The following KYAT3 variants were observed in gnomAD, a reference collection of about 807,000 sequenced individuals.
KYAT3 encodes the protein kynurenine aminotransferase 3.
Under a neutral mutation model 59.0 loss-of-function variants are expected in KYAT3, and 50 were observed. That is an observed-to-expected ratio of 0.85 (90% confidence interval 0.68 to 1.07). KYAT3 has a LOEUF of 1.07. Among genes scored for constraint, KYAT3 ranks in the 50% least tolerant of loss-of-function variants. The pLI is 0.00. For missense variants in KYAT3, 497 were observed against 533.3 expected (o/e 0.93, Z 0.67); for synonymous variants, 148 against 177.0 (o/e 0.84, Z 1.30).
At position 88,949,232 on chromosome 1, in the gene KYAT3, C is replaced by A; in HGVS notation, c.1000G>T (p.Asp334Tyr). The A allele has an allele frequency of 6.3e-7, 1 of 1,597,722 alleles. No individual in the cohort carries two copies. The highest frequency in any genetic ancestry group is 8.5e-7 in the Non-Finnish European group (1 of 1,174,708). The change falls in exon 11 of 14, where the codon GAC becomes TAC. Residue 334 changes from aspartate to tyrosine, a missense_variant. Coordinates refer to ENST00000260508, the MANE Select transcript of KYAT3 (RefSeq NM_001008661.3). ...AAAGAATTAAAGTAACATTCTGGGT[C>A]ATCCATGCGCTTGATGTCAATCCAG... ...AFWIDIKRMDDPECYFNSLPK... is the reference protein window; with the variant it reads ...AFWIDIKRMDYPECYFNSLPK...
intron 13 of KYAT3, among the ~76,000 whole-genome samples, chr1:88,936,493 C>T (rs1005626968): frequency 1.3e-5 from 2 of 152,096 alleles, no homozygotes; most frequent in Non-Finnish European, 2.9e-5. Flanking sequence ...CTGTCTGCTC[C>T]ACCCCTTCTT....
chr1:88,936,826 T>C (rs894526945), intron 13 of KYAT3, among the ~76,000 whole-genome samples: 2 of 152,238 alleles, frequency 1.3e-5, no homozygotes, highest in Non-Finnish European at 2.9e-5. Context: ...CTGTTGTTCA[T>C]CTTCTGTTTC....
rs757564543 is a variant in KYAT3 at position 88,949,234 on chromosome 1, T to A, written c.998A>T (p.Asp333Val). ...QAFWIDIKRM[D>V]DPECYFNSLP... ...AGAATTAAAGTAACATTCTGGGTCA[T>A]CCATGCGCTTGATGTCAATCCAGAA... is the stretch of plus-strand genomic sequence containing the variant. Residue 333 changes from aspartate to valine, a missense_variant, in exon 11 of 14, where the codon GAT becomes GTT. By Grantham distance (152) the Asp-to-Val change is radical (BLOSUM62 -3). This residue lies in a region of KYAT3 where 469 missense variants were observed against 479.1 expected (regional missense o/e 0.98). Transcript: ENST00000260508. 6.3e-7 allele frequency: 1 copy of A among 1,595,142 alleles called. No homozygotes were observed. Among genetic ancestry groups the A allele is most frequent in the South Asian group, 1.2e-5 (1 of 86,764 alleles).
intron 2 of KYAT3, among the ~76,000 whole-genome samples, chr1:88,974,740 A>G (rs1159611379): frequency 6.6e-6 from 1 of 152,122 alleles, no homozygotes; most frequent in African/African-American, 2.4e-5. Context: ...AGCATTCAGT[A>G]AAAATGCACC....
At chr1:88,977,174 C>T (rs150816693) in intron 2 of KYAT3, among the ~76,000 whole-genome samples, 2,297 of 152,108 alleles carry the variant, frequency 0.015, 19 homozygotes, top group Non-Finnish European at 0.024. Flanking sequence ...GCCACCATGC[C>T]CAGCTAAATT....
chr1:88,961,564 C>T (rs1457537448), intron 6 of KYAT3, 58 bp from the exon 7 acceptor site: 2 of 1,455,294 alleles, frequency 1.4e-6, no homozygotes, highest in Non-Finnish European at 1.9e-6. Context: ...TACTGTCTTA[C>T]AAACGAATAA....
At chr1:88,967,134 T>C (rs1042681028) in intron 4 of KYAT3, among the ~76,000 whole-genome samples, 1 of 152,074 alleles carries the variant, frequency 6.6e-6, no homozygotes, top group African/African-American at 2.4e-5. Flanking sequence ...ATAATCTTTG[T>C]TTCTATGTTC....
chr1:88,928,322 T>C, the KYAT3 span, among the ~76,000 whole-genome samples: 350 of 152,070 alleles, frequency 2.3e-3, 3 homozygotes, highest in Middle Eastern at 0.037. Flanking sequence ...AGAAACCCTA[T>C]TGAACTTGGC....
chr1:88,961,564 C>A, intron 6 of KYAT3, 58 bp from the exon 7 acceptor site: 1 of 1,455,408 alleles, frequency 6.9e-7, no homozygotes, highest in South Asian at 1.3e-5. Context: ...TACTGTCTTA[C>A]AAACGAATAA....
intron 2 of KYAT3, among the ~76,000 whole-genome samples, chr1:88,971,765 T>G (rs1434246987): frequency 6.6e-6 from 1 of 152,228 alleles, no homozygotes. Flanking sequence ...AGTGCAGTTC[T>G]CAAATTCGAC....
chr1:88,984,275 C>T (rs1429086145), intron 2 of KYAT3, among the ~76,000 whole-genome samples: 5 of 129,020 alleles, frequency 3.9e-5, no homozygotes, highest in African/African-American at 6.1e-5. Flanking sequence ...AGTGCAGCGG[C>T]GCAATCTTGG....
rs544242247 is a variant in KYAT3 at position 88,979,022 on chromosome 1, A to C, written c.99+9230T>G. Among the ~76,000 whole-genome samples the C allele has an allele frequency of 2.6e-5, 4 of 152,304 alleles. No individual in the cohort carries two copies. The South Asian group carries it at 8.3e-4, about 32-fold the overall frequency. ...TGAACAGTGGGGAAGAGACAAGTGC[A>C]TAAGATGCCTTAGAAGCTCCGAAGC... On this transcript the variant is annotated intron_variant, in intron 2 of 13. Transcript: ENST00000260508.
chr1:88,930,135 T>C, the KYAT3 span, among the ~76,000 whole-genome samples: 32 of 152,108 alleles, frequency 2.1e-4, no homozygotes, highest in African/African-American at 7.7e-4. Flanking sequence ...AGTAAGGAAA[T>C]TGATGTAGTG....
At chr1:88,945,018 A>AT (rs1327894176) in intron 11 of KYAT3, among the ~76,000 whole-genome samples, 1 of 151,926 alleles carries the variant, frequency 6.6e-6, no homozygotes. Flanking sequence ...TAATCTTTGT[A>AT]TTTTTAGTAG....
intron 4 of KYAT3, among the ~76,000 whole-genome samples, chr1:88,966,794 A>G (rs1016823698): frequency 1.2e-4 from 18 of 152,198 alleles, no homozygotes; most frequent in African/African-American, 4.3e-4. Flanking sequence ...TTACTATATT[A>G]TGTGCACTAC....
chr1:88,927,144 C>T, the KYAT3 span, among the ~76,000 whole-genome samples: 1 of 152,172 alleles, frequency 6.6e-6, no homozygotes, highest in Non-Finnish European at 1.5e-5. Context: ...AGAGGACGCT[C>T]TAGGACTAAT....
intron 2 of KYAT3, among the ~76,000 whole-genome samples, chr1:88,986,377 G>A (rs1384243367): frequency 2.6e-5 from 4 of 151,672 alleles, no homozygotes; most frequent in East Asian, 2.0e-4. Flanking sequence ...TGTAATCCCA[G>A]CACTTTGGGA....
At chr1:88,976,265 G>A (rs1163673562) in intron 2 of KYAT3, among the ~76,000 whole-genome samples, 2 of 151,668 alleles carry the variant, frequency 1.3e-5, no homozygotes, top group Non-Finnish European at 2.9e-5. Flanking sequence ...GCTGAGGCAG[G>A]AGAATTGCTT....
chr1:88,936,324 T>C, intron 13 of KYAT3, 79 bp from the exon 14 acceptor site: 1 of 1,082,754 alleles, frequency 9.2e-7, no homozygotes, highest in Non-Finnish European at 1.4e-6. Context: ...ATATACAACA[T>C]AATGAAGATT....
Sources: gnomAD v4.1 joint callset for allele counts (sites outside exome capture counted in the v4.1 genomes callset) on GRCh38, gnomAD v4.1.1 for gene constraint, gnomAD v4.1.1 regional missense constraint, MANE v1.5 for transcripts, NCBI Gene and HGNC (gene_info 2026-07-23, HGNC 2026-07-21) for gene names.